Variants in PARD3B observed in about 807,000 individuals in gnomAD.
The protein encoded by PARD3B is partitioning defective 3 homolog B.
In PARD3B, 103 loss-of-function variants were observed where a neutral mutation model predicts 130.2. The observed-to-expected ratio is 0.79, with a 90% CI of 0.67 to 0.93. PARD3B has a LOEUF of 0.93. Among genes scored for constraint, PARD3B ranks in the 40% least tolerant of loss-of-function variants. The pLI is 0.00. For synonymous variants in PARD3B, 583 were observed against 553.2 expected (o/e 1.05, Z -0.76); for missense variants, 1,609 against 1,499.2 (o/e 1.07, Z -1.21).
intron 1 of PARD3B, among the ~76,000 whole-genome samples, chr2:204,679,543 A>G (rs1464694111): frequency 6.6e-6 from 1 of 152,194 alleles, no homozygotes; most frequent in Non-Finnish European, 1.5e-5. Context: ...GAGCTTTTCA[A>G]TCTATGATAG....
intron 2 of PARD3B, among the ~76,000 whole-genome samples, chr2:204,820,323 C>A (rs555860824): frequency 2.1e-4 from 32 of 151,584 alleles, no homozygotes; most frequent in African/African-American, 7.3e-4. Context: ...GTGATCCACC[C>A]CCCTTGGCCT....
chr2:205,433,438 A>T (rs2047404683), intron 19 of PARD3B, among the ~76,000 whole-genome samples: 1 of 151,298 alleles, frequency 6.6e-6, no homozygotes, highest in South Asian at 2.1e-4. Flanking sequence ...AGGCTGAGGC[A>T]GGAGAATCAC....
At chr2:205,018,112 G>T (rs757622394) in intron 3 of PARD3B, among the ~76,000 whole-genome samples, 2 of 152,130 alleles carry the variant, frequency 1.3e-5, no homozygotes, top group Non-Finnish European at 2.9e-5. Flanking sequence ...ACTCTCTGGT[G>T]TGAGACACAG....
At chr2:204,952,716 C>T (rs891019505) in intron 2 of PARD3B, among the ~76,000 whole-genome samples, 6 of 152,008 alleles carry the variant, frequency 3.9e-5, no homozygotes, top group African/African-American at 1.2e-4. Context: ...GTCAATATCA[C>T]GGTCAGGCGC....
chr2:204,676,998 C>G (rs534878204), intron 1 of PARD3B, among the ~76,000 whole-genome samples: 1 of 152,178 alleles, frequency 6.6e-6, no homozygotes, highest in South Asian at 2.1e-4. Flanking sequence ...ATCTTTCTTA[C>G]GCTGAGTTTC....
At chr2:205,081,373 G>A (rs1701392377) in intron 4 of PARD3B, among the ~76,000 whole-genome samples, 1 of 151,646 alleles carries the variant, frequency 6.6e-6, no homozygotes, top group African/African-American at 2.4e-5. Flanking sequence ...ATTTTTTATG[G>A]AGAAAATATA....
rs564208592 is a variant in PARD3B at position 205,235,349 on chromosome 2, G to A, written c.2141-10429G>A. Among the ~76,000 whole-genome samples the A allele has an allele frequency of 3.1e-4, 47 of 152,194 alleles. No homozygotes were observed. In the South Asian group the frequency reaches 9.8e-3, roughly 32 times the overall value. On this transcript the variant is annotated intron_variant, in intron 15 of 22. Coordinates refer to ENST00000406610, the MANE Select transcript of PARD3B (RefSeq NM_001302769.2). ...ACGTGGGAGAATCACCTGAGCCTGG[G>A]AAGTCGACGCTGCAGTGAGCTGAGA...
intron 2 of PARD3B, among the ~76,000 whole-genome samples, chr2:204,687,978 G>A (rs113375582): frequency 1.3e-5 from 2 of 152,212 alleles, no homozygotes; most frequent in African/African-American, 2.4e-5. Flanking sequence ...CACATTTAGA[G>A]CATTCTTTTA....
intron 1 of PARD3B, among the ~76,000 whole-genome samples, chr2:204,618,679 A>AT (rs1412818303): frequency 6.6e-6 from 1 of 152,210 alleles, no homozygotes; most frequent in African/African-American, 2.4e-5. Flanking sequence ...TTATTAGTGT[A>AT]TTTCTTGCAA....
intron 2 of PARD3B, among the ~76,000 whole-genome samples, chr2:204,831,981 G>T (rs2043840813): frequency 6.6e-6 from 1 of 152,152 alleles, no homozygotes. Context: ...CCAGCACTTT[G>T]GGAGGCCGAG....
intron 22 of PARD3B, among the ~76,000 whole-genome samples, chr2:205,560,924 T>C (rs1207982634): frequency 6.6e-6 from 1 of 152,186 alleles, no homozygotes; most frequent in African/African-American, 2.4e-5. Context: ...TACGATTGTG[T>C]TCGTTTCAGA....
At chr2:205,042,402 A>AC (rs1450734938) in intron 3 of PARD3B, among the ~76,000 whole-genome samples, 1 of 152,204 alleles carries the variant, frequency 6.6e-6, no homozygotes, top group Non-Finnish European at 1.5e-5. Flanking sequence ...AGGTCTGTAC[A>AC]GTAAGTGAGT....
chr2:205,000,891 T>C (rs191889586), intron 3 of PARD3B, among the ~76,000 whole-genome samples: 1 of 152,290 alleles, frequency 6.6e-6, no homozygotes, highest in East Asian at 1.9e-4. Flanking sequence ...CCTTAGGGTT[T>C]TTTGGTTTGT....
chr2:204,884,240 T>A (rs1161464816), intron 2 of PARD3B, among the ~76,000 whole-genome samples: 6 of 152,142 alleles, frequency 3.9e-5, no homozygotes, highest in Admixed American at 3.9e-4. Context: ...AGATTATGTC[T>A]ACAAATTTGA....
In PARD3B at chr2:205,519,250, A is replaced by G. The variant is rs375845540; in HGVS notation, c.3180+19219A>G. The stretch of plus-strand genomic sequence containing the variant: ...ATTTGGTCTCTTTTCATAATCCCAT[A>G]CTTTCCAGAGGTTTTGTTCATTTTT... On this transcript the variant is annotated intron_variant, in intron 21 of 22. Transcript: ENST00000406610. Among the ~76,000 whole-genome samples the G allele has an allele frequency of 9.7e-4, 148 of 152,106 alleles. 1 individual carries two copies. Among genetic ancestry groups the G allele is most frequent in the Middle Eastern group, 3.4e-3 (1 of 294 alleles).
intron 18 of PARD3B, among the ~76,000 whole-genome samples, chr2:205,318,077 A>G (rs2042620506): frequency 6.6e-6 from 1 of 152,214 alleles, no homozygotes; most frequent in Non-Finnish European, 1.5e-5. Context: ...TTGATTGCAG[A>G]CAAACCCACC....
At chr2:205,598,180 A>G (rs971125951) in intron 22 of PARD3B, among the ~76,000 whole-genome samples, 10 of 152,210 alleles carry the variant, frequency 6.6e-5, no homozygotes, top group African/African-American at 2.2e-4. Context: ...AAGTTAGATA[A>G]AGAAACAAGA....
At chr2:205,131,079 A>G (rs1430400496) in intron 10 of PARD3B, among the ~76,000 whole-genome samples, 1 of 152,176 alleles carries the variant, frequency 6.6e-6, no homozygotes, top group Non-Finnish European at 1.5e-5. Context: ...TTGGTTTGAA[A>G]TCTTAGATGA....
chr2:204,774,581 CACCT>C (rs1177293662), intron 2 of PARD3B, among the ~76,000 whole-genome samples: 1 of 152,092 alleles, frequency 6.6e-6, no homozygotes, highest in East Asian at 1.9e-4. Flanking sequence ...TAGGGACAAA[CACCT>C]ACCTGTCTCT....
Sources: allele counts gnomAD v4.1 joint callset (sites outside exome capture counted in the v4.1 genomes callset), GRCh38; gene constraint gnomAD v4.1.1; transcripts MANE v1.5; gene names NCBI Gene and HGNC (gene_info 2026-07-23, HGNC 2026-07-21).